Variants in CYLC2 observed in about 807,000 individuals in gnomAD.
CYLC2 encodes the protein cylicin-2.
CYLC2 carries 30 observed loss-of-function variants against 26.1 expected under a neutral mutation model. That is an observed-to-expected ratio of 1.15 (90% CI 0.86 to 1.56). The LOEUF (loss-of-function observed/expected upper bound fraction) is 1.56. CYLC2 is among the 40% of genes most tolerant of loss of function. CYLC2 has a pLI of 0.00. For synonymous variants in CYLC2, 158 were observed against 132.8 expected, an observed-to-expected ratio of 1.19 and a Z score of -1.31; for missense variants, 498 against 394.4, an observed-to-expected ratio of 1.26 and a Z score of -2.23.
At chr9:103,016,669 G>A (rs1031617650) in intron 6 of CYLC2, among the ~76,000 whole-genome samples, 5 of 151,894 alleles carry the variant, frequency 3.3e-5, no homozygotes, top group African/African-American at 1.2e-4. Flanking sequence ...AAGGAGACAA[G>A]AAAGGAAAAT....
Position 103,004,722 on chromosome 9 carries a change from G to T in CYLC2, c.208G>T (p.Asp70Tyr), listed in dbSNP as rs569740888. 1 of 1,601,846 alleles carries T rather than the reference G, an allele frequency of 6.2e-7. No individual in the cohort carries two copies. The highest frequency in any genetic ancestry group is 1.3e-5 in the African/African-American group (1 of 74,284). The change falls in exon 4 of 8, where the codon GAT becomes TAT. Residue 70 changes from aspartate (D) to tyrosine (Y), a missense_variant. Asp to Tyr is a radical substitution (Grantham distance 160). Coordinates refer to ENST00000374798, the MANE Select transcript of CYLC2 (RefSeq NM_001340.5). ...AATTGATGAAGAACAATTAAGAGGA[G>T]ATCGTAGACAACCATTATGGATGTA... The part of the protein sequence containing the change: ...SIIDEEQLRG[D>Y]RRQPLWMYRS...
intron 6 of CYLC2, among the ~76,000 whole-genome samples, chr9:103,015,366 A>G (rs1482063492): frequency 1.9e-5 from 2 of 106,526 alleles, no homozygotes; most frequent in African/African-American, 7.4e-5. Flanking sequence ...TAATCATATT[A>G]TATAATGTAA....
chr9:103,005,733 C>G lies in CYLC2; in HGVS notation c.*55C>G. On this transcript the variant is annotated 3_prime_UTR_variant, in exon 5 of 8. Transcript: ENST00000374798. The stretch of plus-strand genomic sequence containing the variant: ...TAATTCAAAAGCATATTTGATGAAA[C>G]AATAGTGGTAGTCTGCAGCTGAATT... 6.5e-7 allele frequency: 1 copy of G among 1,527,064 alleles called. No homozygotes were observed. Among genetic ancestry groups the G allele is most frequent in the Non-Finnish European group, 8.8e-7 (1 of 1,136,110 alleles). 94.6% of individuals were successfully genotyped at this position (1,527,064 alleles called of 1,614,324 possible). A position where few individuals can be genotyped will look rare whatever the true frequency, so the allele number is the denominator to read the frequency against.
intron 5 of CYLC2, among the ~76,000 whole-genome samples, chr9:103,007,887 C>T (rs1829368069): frequency 6.6e-6 from 1 of 152,050 alleles, no homozygotes; most frequent in South Asian, 2.1e-4. Context: ...AACATTGGGT[C>T]CTGTCCCTCC....
chr9:103,001,357 AGTTT>A (rs938858086), intron 1 of CYLC2, among the ~76,000 whole-genome samples: 1 of 151,712 alleles, frequency 6.6e-6, no homozygotes, highest in Non-Finnish European at 1.5e-5. Flanking sequence ...ATGTATATAT[AGTTT>A]GTTTGATCGA....
Position 103,003,164 on chromosome 9 carries a change from A to C in CYLC2, c.81A>C (p.Ser27=). ...YIPVSELSKK[S]WNQQHFALLF... The stretch of plus-strand genomic sequence containing the variant: ...TAGTCAGTGAATTAAGCAAAAAATC[A>C]TGGAATCAGCAACACTTTGCCCTGT... Residue 27 remains serine, a synonymous_variant, in exon 3 of 8, where the codon TCA becomes TCC. Coordinates refer to ENST00000374798, the MANE Select transcript of CYLC2 (RefSeq NM_001340.5). The C allele has an allele frequency of 1.9e-6, 3 of 1,613,712 alleles. No homozygotes were observed. The highest frequency in any genetic ancestry group is 2.5e-6 in the Non-Finnish European group (3 of 1,179,762).
intron 1 of CYLC2, among the ~76,000 whole-genome samples, chr9:102,996,421 A>G (rs1053073958): frequency 6.6e-6 from 1 of 151,948 alleles, no homozygotes; most frequent in Non-Finnish European, 1.5e-5. Context: ...CACAATGGTT[A>G]GAAACCTCTT....
chr9:103,001,681 C>CCTG, intron 2 of CYLC2, 63 bp downstream of exon 2: 1 of 1,038,658 alleles, frequency 9.6e-7, no homozygotes, highest in Non-Finnish European at 1.4e-6. Flanking sequence ...AAGTATTATC[C>CCTG]TCTATTCAAA....
At chr9:103,014,876 CTATGTATATTATGT>C (rs1829478150) in intron 6 of CYLC2, among the ~76,000 whole-genome samples, 1 of 126,012 alleles carries the variant, frequency 7.9e-6, no homozygotes, top group African/African-American at 3.2e-5. Context: ...ATGTAATATA[CTATGTATATTATGT>C]AATATACATA....
chr9:103,013,889 A>C (rs1174403569), intron 6 of CYLC2, among the ~76,000 whole-genome samples: 6 of 112,718 alleles, frequency 5.3e-5, no homozygotes, highest in Admixed American at 1.1e-4. Context: ...ATAATAAATA[A>C]TATATTATAT....
At chr9:103,013,117 A>G (rs1430527097) in intron 6 of CYLC2, among the ~76,000 whole-genome samples, 1 of 132,032 alleles carries the variant, frequency 7.6e-6, no homozygotes, top group African/African-American at 2.9e-5. Flanking sequence ...ATCATAAATA[A>G]TATAAAAATA....
chr9:103,009,093 C>T (rs1467138490), intron 5 of CYLC2, among the ~76,000 whole-genome samples: 1 of 152,112 alleles, frequency 6.6e-6, no homozygotes, highest in Non-Finnish European at 1.5e-5. Flanking sequence ...CAATATTAAG[C>T]CTTTACACTT....
chr9:103,013,617 T>C (rs1036449650), intron 6 of CYLC2, among the ~76,000 whole-genome samples: 8 of 109,862 alleles, frequency 7.3e-5, no homozygotes, highest in African/African-American at 3.3e-4. Flanking sequence ...ATTTTATATA[T>C]AATATGTTAT....
At chr9:102,999,438 T>C (rs188511292) in intron 1 of CYLC2, among the ~76,000 whole-genome samples, 3 of 151,946 alleles carry the variant, frequency 2.0e-5, no homozygotes, top group African/African-American at 7.2e-5. Context: ...TAAAGACAAT[T>C]TTACTTCTTC....
intron 5 of CYLC2, among the ~76,000 whole-genome samples, chr9:103,009,645 C>A (rs2118251396): frequency 6.6e-6 from 1 of 152,142 alleles, no homozygotes; most frequent in South Asian, 2.1e-4. Context: ...AATGTGCTAT[C>A]AAATAGTAGG....
At chr9:103,013,932 T>C (rs1376567749) in intron 6 of CYLC2, among the ~76,000 whole-genome samples, 3 of 115,500 alleles carry the variant, frequency 2.6e-5, no homozygotes, top group African/African-American at 7.1e-5. Flanking sequence ...ATATCATATC[T>C]ATTATTTAAT....
chr9:103,002,048 G>A (rs1829293741), intron 2 of CYLC2, among the ~76,000 whole-genome samples: 2 of 152,042 alleles, frequency 1.3e-5, no homozygotes, highest in African/African-American at 4.8e-5. Context: ...CAAATATCAA[G>A]TATTTTCCCC....
At chr9:103,003,108 C>T (rs1462474406) in intron 2 of CYLC2, 34 bp from the exon 3 acceptor site, 5 of 1,610,986 alleles carry the variant, frequency 3.1e-6, no homozygotes, top group Non-Finnish European at 4.2e-6. Context: ...ATTCTATTCA[C>T]TCCAAAATGT....
chr9:103,005,320 C>T lies in CYLC2; in HGVS notation c.689C>T (p.Ser230Leu). 6.2e-7 allele frequency: 1 copy of T among 1,613,564 alleles called. No individual in the cohort carries two copies. Among genetic ancestry groups the T allele is most frequent in the Non-Finnish European group, 8.5e-7 (1 of 1,179,886 alleles). The change falls in exon 5 of 8, where the codon TCA becomes TTA. Residue 230 changes from serine to leucine, a missense_variant. Physicochemically the swap from Ser to Leu is moderately radical, Grantham distance 145 (BLOSUM62 -2). Transcript: ENST00000374798. Reference protein sequence around the residue: ...GKKDSKKGKDSAIELQAVKAD... With the variant: ...GKKDSKKGKDLAIELQAVKAD... ...AAGGATTCAAAGAAGGGCAAGGATT[C>T]AGCCATAGAATTACAAGCTGTAAAA...
Sources: gnomAD v4.1 joint callset for allele counts (sites outside exome capture counted in the v4.1 genomes callset) on GRCh38, gnomAD v4.1.1 for gene constraint, MANE v1.5 for transcripts, NCBI Gene and HGNC (gene_info 2026-07-23, HGNC 2026-07-21) for gene names.